SFT2D2: variants seen among roughly 807,000 people sequenced by gnomAD.
SFT2D2 encodes the protein SFT2 domain containing 2, also known as vesicle transport protein SFT2B.
A neutral mutation model predicts 27.4 loss-of-function variants in SFT2D2; 21 were observed. The ratio of observed to expected loss-of-function variants is 0.77; its 90% CI spans 0.54 to 1.10. The LOEUF (loss-of-function observed/expected upper bound fraction) is 1.10. Among genes scored for constraint, SFT2D2 ranks in the 50% least tolerant of loss-of-function variants. The probability of loss-of-function intolerance (pLI) is 0.00; values close to 1 mark genes in which losing one functional copy is unlikely to be tolerated. For synonymous variants in SFT2D2, 72 were observed against 71.7 expected (o/e 1.00, Z -0.02); for missense variants, 187 against 194.2 (o/e 0.96, Z 0.22).
At chr1:168,239,689 G>A (rs1327506193) in intron 7 of SFT2D2, among the ~76,000 whole-genome samples, 1 of 152,020 alleles carries the variant, frequency 6.6e-6, no homozygotes, top group African/African-American at 2.4e-5. Context: ...AGTTGGTCTA[G>A]ATCATCTCCA....
At position 168,250,555 on chromosome 1, in the gene SFT2D2, A is replaced by G. The variant is rs1647928441; in HGVS notation, c.*8015A>G. The G allele has an allele frequency of 6.6e-6, 1 of 152,348 alleles. No homozygotes were observed. The highest frequency in any genetic ancestry group is 1.5e-5 in the Non-Finnish European group (1 of 68,228). The allele number at this position is 152,348 out of a possible 1,614,324, so 9.4% of individuals were successfully genotyped here. A position where few individuals can be genotyped will look rare whatever the true frequency, so the allele number is the denominator to read the frequency against. On this transcript the variant is annotated 3_prime_UTR_variant, in exon 8 of 8. Transcript: ENST00000271375. ...CATATGGAAGCACTGTCCTGGCGTG[A>G]TCTGCCCTGGGCTGTTGGCTCTCTG... is the stretch of plus-strand genomic sequence containing the variant.
Position 168,245,513 on chromosome 1 carries a change from T to G in SFT2D2, c.*2973T>G, listed in dbSNP as rs575842105. The G allele has an allele frequency of 6.6e-6, 1 of 151,112 alleles. No homozygotes were observed. Among genetic ancestry groups the G allele is most frequent in the Non-Finnish European group, 1.5e-5 (1 of 67,880 alleles). The allele number at this position is 151,112 out of a possible 1,614,324, so 9.4% of individuals were successfully genotyped here. A position where few individuals can be genotyped will look rare whatever the true frequency, so the allele number is the denominator to read the frequency against. The stretch of plus-strand genomic sequence containing the variant: ...CTCAACATTGTTGATGTTAATTCTT[T>G]CCCATATTAATCTATAGATATAATG... On this transcript the variant is annotated 3_prime_UTR_variant, in exon 8 of 8. Transcript: ENST00000271375.
rs1419018977 is a variant in SFT2D2, at chr1:168,251,957, A to T, written c.*9417A>T. On this transcript the variant is annotated 3_prime_UTR_variant, in exon 8 of 8. Coordinates refer to ENST00000271375, the MANE Select transcript of SFT2D2 (RefSeq NM_199344.3). ...AGTTTTATAGTTAAGAAGAAAGTCC[A>T]GCGAAGTTTACTTGATCTCAGTTGC... The T allele has an allele frequency of 6.6e-6, 1 of 152,220 alleles. No individual in the cohort carries two copies. The highest frequency in any genetic ancestry group is 1.5e-5 in the Non-Finnish European group (1 of 68,046). 9.4% of individuals were successfully genotyped at this position (152,220 alleles called of 1,614,324 possible).
At chr1:168,233,054 C>G (rs1419180150) in intron 3 of SFT2D2, among the ~76,000 whole-genome samples, 1 of 152,178 alleles carries the variant, frequency 6.6e-6, no homozygotes, top group East Asian at 1.9e-4. Context: ...TTTGTCTGTA[C>G]AAATGAAGTC....
chr1:168,228,041 C>CT (rs1269766600), intron 1 of SFT2D2, among the ~76,000 whole-genome samples: 3 of 152,168 alleles, frequency 2.0e-5, no homozygotes, highest in African/African-American at 7.2e-5. Context: ...AGAATAGGTG[C>CT]TTCGTTCTTG....
rs1558180444 is a variant in SFT2D2 at position 168,247,860 on chromosome 1, G to C, written c.*5320G>C. On this transcript the variant is annotated 3_prime_UTR_variant, in exon 8 of 8. Transcript: ENST00000271375. ...TGTGGCCACCATGCCACTTTTTAAT[G>C]ATTGCCATTCTAACTGGCATGAGAT... The C allele has an allele frequency of 6.6e-6, 1 of 152,214 alleles. No homozygotes were observed. Among genetic ancestry groups the C allele is most frequent in the African/African-American group, 2.4e-5 (1 of 41,454 alleles). The allele number at this position is 152,214 out of a possible 1,614,324, so 9.4% of individuals were successfully genotyped here. A position where few individuals can be genotyped will look rare whatever the true frequency, so the allele number is the denominator to read the frequency against.
rs1055094661 is a variant in SFT2D2 at position 168,249,940 on chromosome 1, A to G, written c.*7400A>G. 3 of 152,170 alleles carry G rather than the reference A, an allele frequency of 2.0e-5. No homozygotes were observed. The highest frequency in any genetic ancestry group is 4.8e-5 in the African/African-American group (2 of 41,426). The allele number at this position is 152,170 out of a possible 1,614,324, so 9.4% of individuals were successfully genotyped here. A position where few individuals can be genotyped will look rare whatever the true frequency, so the allele number is the denominator to read the frequency against. On this transcript the variant is annotated 3_prime_UTR_variant, in exon 8 of 8. Coordinates refer to ENST00000271375, the MANE Select transcript of SFT2D2 (RefSeq NM_199344.3). The stretch of plus-strand genomic sequence containing the variant: ...ATTTAACAAATACTTATCTAGTACT[A>G]TGTGCCCGGCGCTGTAGACACTGCC...
At position 168,246,757 on chromosome 1, in the gene SFT2D2, G is replaced by A. The variant is rs145298967; in HGVS notation, c.*4217G>A. ...TGTTTTTCCTTCTCCAGTTTAGAAC[G>A]GAGCATTGTGTTCTCATCTGTCAGA... is the stretch of plus-strand genomic sequence containing the variant. On this transcript the variant is annotated 3_prime_UTR_variant, in exon 8 of 8. Transcript: ENST00000271375. 20 of 765,110 alleles carry A rather than the reference G, an allele frequency of 2.6e-5. No homozygotes were observed. Among genetic ancestry groups the A allele is most frequent in the East Asian group, 9.7e-5 (3 of 30,858 alleles). 47.4% of individuals were successfully genotyped at this position (765,110 alleles called of 1,614,324 possible). A position where few individuals can be genotyped will look rare whatever the true frequency, so the allele number is the denominator to read the frequency against.
chr1:168,236,622 T>G lies in SFT2D2; in HGVS notation c.352T>G (p.Trp118Gly). ...CFALTLCSAF[W>G]WHNKGLALIF... ...TGCACTTACCCTGTGTTCTGCCTTT[T>G]GGGTAAATGTATATTTTAATTTTTC... Residue 118 changes from tryptophan (W) to glycine (G), a missense_variant and splice_region_variant, in exon 5 of 8, where the codon TGG becomes GGG. By Grantham distance (184) the Trp-to-Gly change is radical. Coordinates refer to ENST00000271375, the MANE Select transcript of SFT2D2 (RefSeq NM_199344.3). 1 of 1,613,872 alleles carries G rather than the reference T, an allele frequency of 6.2e-7. No homozygotes were observed. Among genetic ancestry groups the G allele is most frequent in the Non-Finnish European group, 8.5e-7 (1 of 1,179,966 alleles).
intron 1 of SFT2D2, among the ~76,000 whole-genome samples, 192 bp from the exon 2 acceptor site, chr1:168,231,322 A>G (rs1170691395): frequency 6.6e-6 from 1 of 152,190 alleles, no homozygotes; most frequent in Non-Finnish European, 1.5e-5. Context: ...GCTAGAGAGG[A>G]GATTCATGTC....
chr1:168,240,903 C>T (rs1647628546), intron 7 of SFT2D2, among the ~76,000 whole-genome samples: 1 of 152,034 alleles, frequency 6.6e-6, no homozygotes, highest in African/African-American at 2.4e-5. Context: ...CAGAGGGAGA[C>T]TCTGTCTCAA....
At position 168,252,235 on chromosome 1, in the gene SFT2D2, G is replaced by A. The variant is rs1373967014; in HGVS notation, c.*9695G>A. 1 of 152,164 alleles carries A rather than the reference G, an allele frequency of 6.6e-6. No individual in the cohort carries two copies. Among genetic ancestry groups the A allele is most frequent in the African/African-American group, 2.4e-5 (1 of 41,434 alleles). 9.4% of individuals were successfully genotyped at this position (152,164 alleles called of 1,614,324 possible). A position where few individuals can be genotyped will look rare whatever the true frequency, so the allele number is the denominator to read the frequency against. ...GACAGGATGATCTGTCTAGATTGTA[G>A]CAAATGATGGTACATATTCACAACA... On this transcript the variant is annotated 3_prime_UTR_variant, in exon 8 of 8. Transcript: ENST00000271375.
chr1:168,230,150 A>G (rs1349105900), intron 1 of SFT2D2, among the ~76,000 whole-genome samples: 2 of 152,120 alleles, frequency 1.3e-5, no homozygotes, highest in Non-Finnish European at 2.9e-5. Flanking sequence ...TTCTGGTTTG[A>G]CGGGAACTCT....
At position 168,226,035 on chromosome 1, in the gene SFT2D2, A is replaced by G. The variant is rs1363257679; in HGVS notation, c.-45A>G. The G allele has an allele frequency of 3.0e-5, 44 of 1,475,628 alleles. No homozygotes were observed. Among genetic ancestry groups the G allele is most frequent in the South Asian group, 2.0e-4 (15 of 75,564 alleles). 91.4% of individuals were successfully genotyped at this position (1,475,628 alleles called of 1,614,324 possible). On this transcript the variant is annotated 5_prime_UTR_variant, in exon 1 of 8. Coordinates refer to ENST00000271375, the MANE Select transcript of SFT2D2 (RefSeq NM_199344.3). ...AAGAGCCGTCAACTTAGCGAGCGCA[A>G]CAGGCTGCCGCTGAGGAGCTGGAGC...
intron 1 of SFT2D2, among the ~76,000 whole-genome samples, 170 bp downstream of exon 1, chr1:168,226,312 G>T (rs1265965297): frequency 6.6e-6 from 1 of 152,202 alleles, no homozygotes; most frequent in Non-Finnish European, 1.5e-5. Context: ...ACTACACGGG[G>T]CAGTGGCCGC....
chr1:168,246,026 G>T lies in SFT2D2; in HGVS notation c.*3486G>T. The stretch of plus-strand genomic sequence containing the variant: ...ACATCTCACTTTCTCAATGGACGCA[G>T]TGACGCAATGAAGCATCCAGCAAAG... On this transcript the variant is annotated 3_prime_UTR_variant, in exon 8 of 8. Coordinates refer to ENST00000271375, the MANE Select transcript of SFT2D2 (RefSeq NM_199344.3). 1 of 214,550 alleles carries T rather than the reference G, an allele frequency of 4.7e-6. No homozygotes were observed. The highest frequency in any genetic ancestry group is 9.4e-6 in the Non-Finnish European group (1 of 106,018). 13.3% of individuals were successfully genotyped at this position (214,550 alleles called of 1,614,324 possible). A position where few individuals can be genotyped will look rare whatever the true frequency, so the allele number is the denominator to read the frequency against.
chr1:168,236,529 T>C, intron 4 of SFT2D2, 60 bp from the exon 5 acceptor site: 1 of 1,527,890 alleles, frequency 6.5e-7, no homozygotes, highest in East Asian at 2.2e-5. Context: ...TAACAAGTTT[T>C]GAGTTTTTTT....
chr1:168,230,291 CTT>C (rs1028956264), intron 1 of SFT2D2, among the ~76,000 whole-genome samples: 1 of 152,154 alleles, frequency 6.6e-6, no homozygotes, highest in Non-Finnish European at 1.5e-5. Context: ...TAGTAGGAAA[CTT>C]TGACCACATT....
rs2102335420 is a variant in SFT2D2 at position 168,244,899 on chromosome 1, A to G, written c.*2359A>G. ...ACAACCATGCTTTGTTTAAAAAATA[A>G]TCTCAGCAAACTAGGGATACAAGAG... On this transcript the variant is annotated 3_prime_UTR_variant, in exon 8 of 8. Coordinates refer to ENST00000271375, the MANE Select transcript of SFT2D2 (RefSeq NM_199344.3). The G allele has an allele frequency of 6.6e-6, 1 of 152,266 alleles. No homozygotes were observed. The highest frequency in any genetic ancestry group is 1.9e-4 in the East Asian group (1 of 5,182). The allele number at this position is 152,266 out of a possible 1,614,324, so 9.4% of individuals were successfully genotyped here.
Sources: gnomAD v4.1 joint callset for allele counts (sites outside exome capture counted in the v4.1 genomes callset) on GRCh38, gnomAD v4.1.1 for gene constraint, MANE v1.5 for transcripts, NCBI Gene and HGNC (gene_info 2026-07-23, HGNC 2026-07-21) for gene names.